TNIK: variants seen among roughly 807,000 people sequenced by gnomAD.
The protein encoded by TNIK is TRAF2 and NCK interacting kinase.
In TNIK, 49 loss-of-function variants were observed where a neutral mutation model predicts 191.3. The observed-to-expected ratio is 0.26, with a 90% confidence interval of 0.20 to 0.32. The LOEUF is 0.32. Ranked by LOEUF, TNIK falls within the 10% of genes least tolerant of loss-of-function variation. TNIK has a pLI of 1.00. For synonymous variants in TNIK, 594 were observed against 600.9 expected, an observed-to-expected ratio of 0.99 and a Z score of 0.17; for missense variants, 1,155 against 1,702.3, an observed-to-expected ratio of 0.68 and a Z score of 5.66.
chr3:171,172,333 GT>G (rs1207288292), intron 9 of TNIK, among the ~76,000 whole-genome samples: 1 of 152,156 alleles, frequency 6.6e-6, no homozygotes, highest in Non-Finnish European at 1.5e-5. Flanking sequence ...ACTCATTTAG[GT>G]AGAGAATAGC....
chr3:171,213,650 A>G (rs1741129827), intron 3 of TNIK, among the ~76,000 whole-genome samples: 1 of 152,198 alleles, frequency 6.6e-6, no homozygotes, highest in Non-Finnish European at 1.5e-5. Context: ...TGGAGGTCAG[A>G]ATAAAGTCAG....
In TNIK at chr3:171,061,514, A is replaced by T. The variant is rs1438387809; in HGVS notation, c.*2367T>A. 1 of 152,202 alleles carries T rather than the reference A, an allele frequency of 6.6e-6. No homozygotes were observed. Among genetic ancestry groups the T allele is most frequent in the African/African-American group, 2.4e-5 (1 of 41,450 alleles). 9.4% of individuals were successfully genotyped at this position (152,202 alleles called of 1,614,324 possible). On this transcript the variant is annotated 3_prime_UTR_variant, in exon 33 of 33. Transcript: ENST00000436636. ...AACTACCTTATGTTTAAACACAATGATTCCCTTTTATTTCTTAACTGTACC... is the reference window on the plus strand; with the variant it reads ...AACTACCTTATGTTTAAACACAATGTTTCCCTTTTATTTCTTAACTGTACC...
intron 2 of TNIK, among the ~76,000 whole-genome samples, chr3:171,232,909 AGTTTT>A (rs1371086961): frequency 2.6e-5 from 4 of 152,298 alleles, no homozygotes; most frequent in South Asian, 4.1e-4. Flanking sequence ...AGAAAACAAC[AGTTTT>A]GTTTTAACAG....
intron 20 of TNIK, among the ~76,000 whole-genome samples, chr3:171,107,421 G>A (rs1725076080): frequency 6.6e-6 from 1 of 152,056 alleles, no homozygotes; most frequent in Non-Finnish European, 1.5e-5. Flanking sequence ...AAACCAAAAA[G>A]CTTCACGTTC....
Position 171,108,108 on chromosome 3 carries a change from T to G in TNIK, c.2339A>C (p.Lys780Thr). Residue 780 changes from lysine (K) to threonine (T), a missense_variant, in exon 20 of 33, where the codon AAA (lysine) becomes ACA (threonine). This residue lies in a region of TNIK where 735 missense variants were observed against 848.0 expected (regional missense o/e 0.87). Coordinates refer to ENST00000436636, the MANE Select transcript of TNIK (RefSeq NM_015028.4). ...PVLPHEPAKV[K>T]PEESRDITRP... is the part of the protein sequence containing the mutation. ...GGTAATGTCCCTGGATTCTTCTGGT[T>G]TCACCTTCGCAGGCTCATGGGGGAG... 6.3e-7 allele frequency: 1 copy of G among 1,578,444 alleles called. No individual in the cohort carries two copies. Among genetic ancestry groups the G allele is most frequent in the South Asian group, 1.2e-5 (1 of 85,672 alleles).
chr3:171,330,981 C>T (rs1036460806), intron 2 of TNIK, among the ~76,000 whole-genome samples: 3 of 152,146 alleles, frequency 2.0e-5, no homozygotes, highest in African/African-American at 7.2e-5. Context: ...AAAATAACAC[C>T]ACCACGAGTT....
At position 171,188,698 on chromosome 3, in the gene TNIK, A is replaced by G. The variant is rs767468416; in HGVS notation, c.639+4T>C. 1.9e-6 allele frequency: 3 copies of G among 1,613,192 alleles called. No homozygotes were observed. In the Admixed American group the frequency reaches 5.0e-5, roughly 27 times the overall value. On this transcript the variant is annotated splice_donor_region_variant and intron_variant, in intron 7 of 32. Transcript: ENST00000436636. Reference sequence around the variant, plus strand: ...AGTTTTGAAACACGACAAAGAAGCCATACCTTGAAATCATATGTGGCATCT... The same window carrying G: ...AGTTTTGAAACACGACAAAGAAGCCGTACCTTGAAATCATATGTGGCATCT...
At chr3:171,067,724 C>T (rs926389942) in intron 30 of TNIK, among the ~76,000 whole-genome samples, 1 of 149,656 alleles carries the variant, frequency 6.7e-6, no homozygotes, top group Non-Finnish European at 1.5e-5. Flanking sequence ...TTAATTTGTT[C>T]TAGGAAAGGA....
At chr3:171,148,363 T>G (rs1028526273) in intron 12 of TNIK, among the ~76,000 whole-genome samples, 5 of 152,244 alleles carry the variant, frequency 3.3e-5, no homozygotes, top group East Asian at 1.9e-4. Context: ...AATGTGATTA[T>G]TCACAAACTC....
At chr3:171,349,246 CTTAT>C (rs1235686689) in intron 2 of TNIK, among the ~76,000 whole-genome samples, 4 of 152,108 alleles carry the variant, frequency 2.6e-5, no homozygotes, top group Non-Finnish European at 4.4e-5. Context: ...GGTCTGAGTG[CTTAT>C]TTATATTTTA....
At chr3:171,282,334 GTTTTTTGTT>G (rs1421592879) in intron 2 of TNIK, among the ~76,000 whole-genome samples, 6 of 114,524 alleles carry the variant, frequency 5.2e-5, no homozygotes, top group South Asian at 2.7e-4. Context: ...TCTCTTAATG[GTTTTTTGTT>G]TTTTTTTTTT....
At chr3:171,188,218 A>G (rs1737608531) in intron 7 of TNIK, among the ~76,000 whole-genome samples, 1 of 152,220 alleles carries the variant, frequency 6.6e-6, no homozygotes, top group Admixed American at 6.5e-5. Context: ...TAAAGTAGTC[A>G]CCAATATTCC....
intron 2 of TNIK, among the ~76,000 whole-genome samples, chr3:171,280,508 C>T (rs1750303596): frequency 6.6e-6 from 1 of 152,204 alleles, no homozygotes; most frequent in South Asian, 2.1e-4. Flanking sequence ...ATGCTTAGCA[C>T]TGTGCCTGGC....
intron 3 of TNIK, among the ~76,000 whole-genome samples, chr3:171,227,073 A>C (rs1297544476): frequency 6.6e-6 from 1 of 152,176 alleles, no homozygotes; most frequent in African/African-American, 2.4e-5. Context: ...CATGTACAGC[A>C]GACAGACATC....
At chr3:171,334,270 C>G (rs542961102) in intron 2 of TNIK, among the ~76,000 whole-genome samples, 3 of 152,336 alleles carry the variant, frequency 2.0e-5, no homozygotes, top group Non-Finnish European at 2.9e-5. Context: ...CTCTCTCGCT[C>G]TCTCCTCTCT....
rs531863153 is a variant in TNIK at position 171,351,584 on chromosome 3, A to C, written c.123+18036T>G. On this transcript the variant is annotated intron_variant, in intron 2 of 32. Coordinates refer to ENST00000436636, the MANE Select transcript of TNIK (RefSeq NM_015028.4). ...AAATAACAGCACCAGAGAAAGTTCC[A>C]AAATATCTTGAAGGACAGAGTTTCA... Among the ~76,000 whole-genome samples, 137 of 152,304 alleles carry C rather than the reference A, an allele frequency of 9.0e-4. 1 individual carries two copies. The highest frequency in any genetic ancestry group is 3.1e-3 in the African/African-American group (127 of 41,562).
At chr3:171,140,616 A>C (rs896686897) in intron 12 of TNIK, 107 bp from the exon 13 acceptor site, 1 of 1,000,388 alleles carries the variant, frequency 1.0e-6, no homozygotes, top group Non-Finnish European at 1.6e-6. Flanking sequence ...TTTTAATGAG[A>C]TATGCCTAAA....
intron 23 of TNIK, among the ~76,000 whole-genome samples, chr3:171,088,397 G>T (rs1358797179): frequency 6.6e-6 from 1 of 152,044 alleles, no homozygotes; most frequent in Non-Finnish European, 1.5e-5. Flanking sequence ...ACCACACCCG[G>T]CTAATTTTTG....
chr3:171,113,396 G>A (rs1726161470), intron 18 of TNIK, among the ~76,000 whole-genome samples: 2 of 152,094 alleles, frequency 1.3e-5, no homozygotes, highest in Admixed American at 1.3e-4. Flanking sequence ...ACGAGGTCAG[G>A]AGATCGAGAC....
Sources: allele counts gnomAD v4.1 joint callset (sites outside exome capture counted in the v4.1 genomes callset), GRCh38; gene constraint gnomAD v4.1.1; regional missense constraint gnomAD v4.1.1; transcripts MANE v1.5; gene names NCBI Gene and HGNC (gene_info 2026-07-23, HGNC 2026-07-21).